The following NEDD4 variants were observed in gnomAD, a reference collection of about 807,000 sequenced individuals.
NEDD4 encodes the protein NEDD4 E3 ubiquitin protein ligase.
A neutral mutation model predicts 144.9 loss-of-function variants in NEDD4; 99 were observed. That is an observed-to-expected ratio of 0.68 (90% CI 0.58 to 0.81). The LOEUF is 0.81. Among genes scored for constraint, NEDD4 ranks in the 30% least tolerant of loss-of-function variants. NEDD4 has a pLI of 0.00. For missense variants in NEDD4, 985 were observed against 1,065.9 expected, an observed-to-expected ratio of 0.92 and a Z score of 1.06; for synonymous variants, 318 against 350.6, an observed-to-expected ratio of 0.91 and a Z score of 1.04.
At chr15:55,866,787 T>C (rs2034601453) in intron 8 of NEDD4, among the ~76,000 whole-genome samples, 1 of 152,052 alleles carries the variant, frequency 6.6e-6, no homozygotes. Flanking sequence ...GGAAGTAGAG[T>C]TGTACAATCA....
intron 5 of NEDD4, among the ~76,000 whole-genome samples, chr15:55,910,097 A>G (rs964725399): frequency 1.3e-5 from 2 of 152,206 alleles, no homozygotes; most frequent in African/African-American, 4.8e-5. Context: ...CAGGAAAAAG[A>G]GACTGTACTC....
At chr15:55,916,206 T>C in intron 5 of NEDD4, 1 of 1,614,028 alleles carries the variant, frequency 6.2e-7, no homozygotes, top group Non-Finnish European at 8.5e-7. Context: ...GGAGGTGCTG[T>C]CAGAAGGTAA....
rs1421062710 is a variant in NEDD4, at chr15:55,826,965, A to G, written c.*2932T>C. On this transcript the variant is annotated 3_prime_UTR_variant, in exon 29 of 29. Transcript: ENST00000435532. The stretch of plus-strand genomic sequence containing the variant: ...GAATAGAACTTTATTTGTGGATTCA[A>G]GATTTTAAAAAATGATTTTACACTT... The G allele has an allele frequency of 6.6e-6, 1 of 152,242 alleles. No individual in the cohort carries two copies. Among genetic ancestry groups the G allele is most frequent in the African/African-American group, 2.4e-5 (1 of 41,458 alleles). 9.4% of individuals were successfully genotyped at this position (152,242 alleles called of 1,614,324 possible). A position where few individuals can be genotyped will look rare whatever the true frequency, so the allele number is the denominator to read the frequency against.
At chr15:55,936,112 G>A (rs2036884823) in intron 4 of NEDD4, among the ~76,000 whole-genome samples, 1 of 152,114 alleles carries the variant, frequency 6.6e-6, no homozygotes, top group African/African-American at 2.4e-5. Flanking sequence ...GAAGCTAAAA[G>A]CATCCTAAAT....
At chr15:55,943,825 C>T (rs978330222) in intron 4 of NEDD4, among the ~76,000 whole-genome samples, 1 of 152,176 alleles carries the variant, frequency 6.6e-6, no homozygotes, top group African/African-American at 2.4e-5. Flanking sequence ...TGACTAACCG[C>T]TTGCACTGTT....
chr15:55,964,376 A>G (rs892925207), intron 2 of NEDD4, among the ~76,000 whole-genome samples: 5 of 152,078 alleles, frequency 3.3e-5, no homozygotes, highest in African/African-American at 4.8e-5. Context: ...CTACTGATCT[A>G]TCTTTAAGTT....
intron 5 of NEDD4, among the ~76,000 whole-genome samples, chr15:55,886,989 C>A (rs2035414343): frequency 6.6e-6 from 1 of 151,188 alleles, no homozygotes; most frequent in South Asian, 2.1e-4. Flanking sequence ...TGGGATACAG[C>A]AAAAGCAGTA....
rs766102020 is a variant in NEDD4, at chr15:55,842,087, C to T, written c.1685G>A (p.Gly562Asp). ...VLEDSYRRIMGVKRADFLKAR... is the reference protein window; with the variant it reads ...VLEDSYRRIMDVKRADFLKAR... ...CTTCAGGAAGTCTGCTCTCTTGACACCCATAATTCTCCGGTAAGAGTCTTC... is the reference window on the plus strand; with the variant it reads ...CTTCAGGAAGTCTGCTCTCTTGACATCCATAATTCTCCGGTAAGAGTCTTC... Residue 562 changes from glycine to aspartate, a missense_variant, in exon 19 of 29, where the codon GGT becomes GAT. Physicochemically the swap from Gly to Asp is moderately conservative, Grantham distance 94. Coordinates refer to ENST00000435532, the MANE Select transcript of NEDD4 (RefSeq NM_006154.4). The T allele has an allele frequency of 1.2e-6, 2 of 1,614,074 alleles. No homozygotes were observed. The highest frequency in any genetic ancestry group is 1.3e-5 in the African/African-American group (1 of 74,932).
intron 21 of NEDD4, among the ~76,000 whole-genome samples, chr15:55,839,999 A>AATATATATAT (rs1176994871): frequency 1.7e-3 from 44 of 26,024 alleles, no homozygotes; most frequent in Admixed American, 3.4e-3. Context: ...AAAAAAAAAA[A>AATATATATAT]ATATATATAT....
chr15:55,889,777 C>T (rs1035106290), intron 5 of NEDD4, among the ~76,000 whole-genome samples: 34 of 151,966 alleles, frequency 2.2e-4, no homozygotes, highest in African/African-American at 6.8e-4. Flanking sequence ...CTCAGCTCAC[C>T]GCAACCTCCA....
chr15:55,960,479 C>T (rs2037406878), intron 2 of NEDD4, among the ~76,000 whole-genome samples: 1 of 152,190 alleles, frequency 6.6e-6, no homozygotes, highest in South Asian at 2.1e-4. Flanking sequence ...CTTGGACTTA[C>T]ACCAGTGATA....
chr15:55,876,859 CTTTT>C (rs1185650614), intron 5 of NEDD4, among the ~76,000 whole-genome samples: 4 of 149,024 alleles, frequency 2.7e-5, no homozygotes, highest in African/African-American at 9.9e-5. Flanking sequence ...TTTTTTTTCA[CTTTT>C]TTTTTCTTTT....
At position 55,834,251 on chromosome 15, in the gene NEDD4, T is replaced by G; in HGVS notation, c.2298A>C (p.Lys766Asn). The change falls in exon 25 of 29, where the codon AAA (lysine) becomes AAC (asparagine). Residue 766 changes from lysine to asparagine, a missense_variant. By Grantham distance (94) the Lys-to-Asn change is moderately conservative. Transcript: ENST00000435532. ...CCTCTAGTTCATTTTCATCAAAAATTTTGATGAGATCCTGTGGTATTAGTT... is the reference window on the plus strand; with the variant it reads ...CCTCTAGTTCATTTTCATCAAAAATGTTGATGAGATCCTGTGGTATTAGTT... ...FFELIPQDLI[K>N]IFDENELELL... The G allele has an allele frequency of 1.9e-6, 3 of 1,610,464 alleles. No homozygotes were observed. The highest frequency in any genetic ancestry group is 1.7e-4 in the Middle Eastern group (1 of 6,054).
intron 5 of NEDD4, among the ~76,000 whole-genome samples, chr15:55,884,140 A>C (rs1397510505): frequency 6.6e-6 from 1 of 152,120 alleles, no homozygotes; most frequent in African/African-American, 2.4e-5. Context: ...TTGGCCTCCC[A>C]AAGTGCTGGG....
intron 5 of NEDD4, among the ~76,000 whole-genome samples, chr15:55,906,246 T>A (rs1478293642): frequency 2.6e-5 from 4 of 152,278 alleles, no homozygotes; most frequent in Non-Finnish European, 5.9e-5. Flanking sequence ...GATCTAGAAC[T>A]AGAAATACCA....
intron 5 of NEDD4, among the ~76,000 whole-genome samples, chr15:55,920,202 T>C (rs1477757242): frequency 2.0e-5 from 3 of 148,656 alleles, no homozygotes; most frequent in African/African-American, 7.4e-5. Context: ...TATATATTCA[T>C]ATATTATACA....
intron 8 of NEDD4, among the ~76,000 whole-genome samples, chr15:55,865,677 CTG>C (rs1304657225): frequency 1.3e-5 from 2 of 152,066 alleles, no homozygotes; most frequent in African/African-American, 2.4e-5. Flanking sequence ...TAAATGACTG[CTG>C]TGTGACAGGC....
At chr15:55,916,917 T>C (rs2036469542) in intron 5 of NEDD4, 1 of 1,506,234 alleles carries the variant, frequency 6.6e-7, no homozygotes, top group African/African-American at 1.4e-5. Context: ...CTGCACTGCA[T>C]CAAAAGAAAA....
chr15:55,986,691 G>A (rs1242736195), intron 1 of NEDD4, among the ~76,000 whole-genome samples: 1 of 142,504 alleles, frequency 7.0e-6, no homozygotes, highest in African/African-American at 2.6e-5. Flanking sequence ...CCAGGTTCAC[G>A]CCATTCTCCG....
Sources: gnomAD v4.1 joint callset for allele counts (sites outside exome capture counted in the v4.1 genomes callset) on GRCh38, gnomAD v4.1.1 for gene constraint, MANE v1.5 for transcripts, NCBI Gene and HGNC (gene_info 2026-07-23, HGNC 2026-07-21) for gene names.